Variants in FAM174B observed in about 807,000 individuals in gnomAD.
FAM174B encodes the protein family with sequence similarity 174 member B, also known as membrane protein FAM174B.
Under a neutral mutation model 10.9 loss-of-function variants are expected in FAM174B, and 12 were observed. The ratio of observed to expected loss-of-function variants is 1.10; its 90% confidence interval spans 0.71 to 1.79. The LOEUF is 1.79. FAM174B is among the 40% of genes most tolerant of loss of function. The pLI is 0.00. For missense variants in FAM174B, 266 were observed against 233.3 expected (o/e 1.14, Z -0.91); for synonymous variants, 132 against 115.8 (o/e 1.14, Z -0.90).
chr15:92,631,269 TATATTATATATA>T lies in FAM174B; in HGVS notation c.345-936_345-925del, dbSNP rs1567045198. ...ATATTATATATAATATATTATATAT[TATATTATATATA>T]ATATATTATATATTATATATAATAT... On this transcript the variant is annotated intron_variant, in intron 1 of 2. Coordinates refer to ENST00000327355, the MANE Select transcript of FAM174B (RefSeq NM_207446.3). 8.4e-3 allele frequency among the ~76,000 whole-genome samples: 66 copies of T among 7,884 alleles called. 15 individuals carry two copies. Among genetic ancestry groups the T allele is most frequent in the East Asian group, 0.061 (6 of 98 alleles). The allele number at this position is 7,884 out of a possible 152,430, so 5.2% of individuals were successfully genotyped here.
intron 1 of FAM174B, among the ~76,000 whole-genome samples, chr15:92,636,362 C>G (rs900243893): frequency 6.6e-6 from 1 of 152,140 alleles, no homozygotes; most frequent in Non-Finnish European, 1.5e-5. Context: ...TCCTGGGTGC[C>G]AGCTAAGCGA....
At chr15:92,622,174 A>T (rs2050723968) in intron 2 of FAM174B, among the ~76,000 whole-genome samples, 1 of 152,242 alleles carries the variant, frequency 6.6e-6, no homozygotes, top group African/African-American at 2.4e-5. Context: ...TCTGAATCTT[A>T]CGGGGATCCC....
chr15:92,630,264 A>C lies in FAM174B; in HGVS notation c.426T>G (p.Asn142Lys), dbSNP rs774878830. ...PAERVEMAPL[N>K]EEDDEDEDST... ...AGTCCTCATCTTCATCATCCTCTTC[A>C]TTTAGTGGCGCCATTTCCACTCGCT... The change falls in exon 2 of 3, where the codon AAT becomes AAG. Residue 142 changes from asparagine to lysine, a missense_variant. Transcript: ENST00000327355. The C allele has an allele frequency of 4.3e-6, 7 of 1,613,680 alleles. No individual in the cohort carries two copies. Among genetic ancestry groups the C allele is most frequent in the South Asian group, 1.1e-5 (1 of 91,064 alleles).
chr15:92,618,060 G>C lies in FAM174B; in HGVS notation c.*1396C>G. 4.3e-6 allele frequency: 1 copy of C among 232,140 alleles called. No homozygotes were observed. Among genetic ancestry groups the C allele is most frequent in the East Asian group, 8.3e-5 (1 of 12,114 alleles). 14.4% of individuals were successfully genotyped at this position (232,140 alleles called of 1,614,324 possible). On this transcript the variant is annotated 3_prime_UTR_variant, in exon 3 of 3. Coordinates refer to ENST00000327355, the MANE Select transcript of FAM174B (RefSeq NM_207446.3). ...ACTGAAGAACCGAAGATGGAGGTGA[G>C]TCAGGAAAGGCTGGAGTTTTCATCC...
chr15:92,618,453 T>TG lies in FAM174B; in HGVS notation c.*1002dup, dbSNP rs1262272237. The TG allele has an allele frequency of 2.0e-5, 3 of 152,428 alleles. No individual in the cohort carries two copies. Among genetic ancestry groups the TG allele is most frequent in the African/African-American group, 7.2e-5 (3 of 41,466 alleles). 9.4% of individuals were successfully genotyped at this position (152,428 alleles called of 1,614,324 possible). A position where few individuals can be genotyped will look rare whatever the true frequency, so the allele number is the denominator to read the frequency against. On this transcript the variant is annotated 3_prime_UTR_variant, in exon 3 of 3. Transcript: ENST00000327355. ...TCCGGCAGGGACCTCCTGGGTCCTG[T>TG]GGGGTCTCCTGGGTCCAGGTGGGTT... is the stretch of plus-strand genomic sequence containing the variant.
intron 1 of FAM174B, among the ~76,000 whole-genome samples, chr15:92,631,196 TA>T (rs1567045020): frequency 9.4e-5 from 2 of 21,204 alleles, no homozygotes; most frequent in African/African-American, 2.8e-4. Context: ...ATATATTATA[TA>T]TATTACATAT....
At chr15:92,631,579 C>T (rs1462992033) in intron 1 of FAM174B, among the ~76,000 whole-genome samples, 6 of 138,856 alleles carry the variant, frequency 4.3e-5, no homozygotes, top group South Asian at 2.2e-4. Context: ...ACTGCAAGCT[C>T]CGCCTCCCGG....
chr15:92,626,800 C>G (rs188865998), intron 2 of FAM174B, among the ~76,000 whole-genome samples: 3 of 152,144 alleles, frequency 2.0e-5, no homozygotes, highest in African/African-American at 7.2e-5. Flanking sequence ...CACCTGTAAT[C>G]CCAGCACTTT....
chr15:92,641,264 T>C (rs2050890082), intron 1 of FAM174B, among the ~76,000 whole-genome samples: 2 of 152,244 alleles, frequency 1.3e-5, no homozygotes, highest in South Asian at 4.1e-4. Context: ...CATTACTTGT[T>C]TGTGGACATG....
chr15:92,620,764 G>A (rs1364845633), intron 2 of FAM174B, among the ~76,000 whole-genome samples: 2 of 134,922 alleles, frequency 1.5e-5, no homozygotes, highest in Non-Finnish European at 3.1e-5. Flanking sequence ...GCAGTGAGCT[G>A]AGATGGCGCC....
At chr15:92,631,420 AAT>A (rs1555421166) in intron 1 of FAM174B, among the ~76,000 whole-genome samples, 1,667 of 45,310 alleles carry the variant, frequency 0.037, 182 homozygotes, top group Non-Finnish European at 0.055. Flanking sequence ...TATAATATAT[AAT>A]ATATAATATA....
At chr15:92,631,865 A>G (rs1567045691) in intron 1 of FAM174B, among the ~76,000 whole-genome samples, 1 of 152,122 alleles carries the variant, frequency 6.6e-6, no homozygotes, top group South Asian at 2.1e-4. Context: ...AAGATGTCCA[A>G]TGAGGACCGG....
chr15:92,638,265 G>A (rs285760), intron 1 of FAM174B, among the ~76,000 whole-genome samples: 112,616 of 152,138 alleles, frequency 0.74, 44,017 homozygotes, highest in Non-Finnish European at 0.87. Flanking sequence ...CCTTCCATCC[G>A]AACCAAAACT....
At chr15:92,624,494 C>T (rs1014747569) in intron 2 of FAM174B, among the ~76,000 whole-genome samples, 2 of 152,236 alleles carry the variant, frequency 1.3e-5, no homozygotes, top group Middle Eastern at 3.2e-3. Context: ...CATGGGGACT[C>T]AGAGCTCCCG....
In FAM174B at chr15:92,631,383, A is replaced by ATATAT. The variant is rs1406816972; in HGVS notation, c.345-1043_345-1039dup. On this transcript the variant is annotated intron_variant, in intron 1 of 2. Transcript: ENST00000327355. ...TATATTATATTATATATAATATATT[A>ATATAT]TATATTATATATTATATTATATTAT... 4.7e-4 allele frequency among the ~76,000 whole-genome samples: 15 copies of ATATAT among 32,094 alleles called. 3 individuals carry two copies. The highest frequency in any genetic ancestry group is 2.8e-3 in the African/African-American group (15 of 5,404). The allele number at this position is 32,094 out of a possible 152,430, so 21.1% of individuals were successfully genotyped here. A position where few individuals can be genotyped will look rare whatever the true frequency, so the allele number is the denominator to read the frequency against.
chr15:92,619,262 T>C lies in FAM174B; in HGVS notation c.*194A>G. ...GGTGGCAGAAGCAACTCCATTGTGG[T>C]GACGTGGAAACGAGCTTGCCAGTGA... On this transcript the variant is annotated 3_prime_UTR_variant, in exon 3 of 3. Transcript: ENST00000327355. The C allele has an allele frequency of 2.8e-6, 2 of 721,396 alleles. No homozygotes were observed. Among genetic ancestry groups the C allele is most frequent in the Non-Finnish European group, 2.5e-6 (1 of 397,912 alleles). 44.7% of individuals were successfully genotyped at this position (721,396 alleles called of 1,614,324 possible).
chr15:92,619,776 T>G, intron 2 of FAM174B: 1 of 432,180 alleles, frequency 2.3e-6, no homozygotes, highest in Non-Finnish European at 4.1e-6. Flanking sequence ...GGAAAACTTC[T>G]TCTGTGACAG....
chr15:92,632,681 G>T (rs943936582), intron 1 of FAM174B, among the ~76,000 whole-genome samples: 5 of 146,416 alleles, frequency 3.4e-5, no homozygotes, highest in Non-Finnish European at 7.6e-5. Context: ...TGGCTGGGTT[G>T]TTTTTTTTTT....
chr15:92,637,818 G>A (rs890884340), intron 1 of FAM174B, among the ~76,000 whole-genome samples: 3 of 152,196 alleles, frequency 2.0e-5, no homozygotes, highest in East Asian at 1.9e-4. Context: ...GGGTCCATTC[G>A]TGGGCAGTGG....
Sources: gnomAD v4.1 joint callset for allele counts (sites outside exome capture counted in the v4.1 genomes callset) on GRCh38, gnomAD v4.1.1 for gene constraint, MANE v1.5 for transcripts, NCBI Gene and HGNC (gene_info 2026-07-23, HGNC 2026-07-21) for gene names.